Variants in ADAMTSL3 observed in about 807,000 individuals in gnomAD.
The protein encoded by ADAMTSL3 is ADAMTS-like protein 3.
Under a neutral mutation model 201.7 loss-of-function variants are expected in ADAMTSL3, and 128 were observed. The observed-to-expected ratio is 0.63, with a 90% CI of 0.55 to 0.73. ADAMTSL3 has a LOEUF of 0.73. ADAMTSL3 is among the 30% of genes least tolerant of loss of function. The pLI, the probability that ADAMTSL3 is intolerant of heterozygous loss-of-function variation, is 0.00. For synonymous variants in ADAMTSL3, 738 were observed against 748.4 expected (o/e 0.99, Z 0.23); for missense variants, 1,990 against 2,119.6 (o/e 0.94, Z 1.20).
intron 2 of ADAMTSL3, among the ~76,000 whole-genome samples, chr15:83,676,865 G>A (rs554365390): frequency 1.3e-5 from 2 of 152,346 alleles, no homozygotes; most frequent in African/African-American, 4.8e-5. Flanking sequence ...GAACCAGAGA[G>A]TAGGCCCTCA....
At chr15:84,017,456 T>C (rs2068108791) in intron 25 of ADAMTSL3, among the ~76,000 whole-genome samples, 1 of 152,218 alleles carries the variant, frequency 6.6e-6, no homozygotes. Context: ...GTACTCGTTA[T>C]ATAGGAACAA....
chr15:83,738,402 C>T (rs1238711311), intron 3 of ADAMTSL3, among the ~76,000 whole-genome samples: 1 of 152,122 alleles, frequency 6.6e-6, no homozygotes, highest in East Asian at 1.9e-4. Flanking sequence ...ATGTATGTCA[C>T]TTACACTTTT....
chr15:83,930,768 C>A (rs1055490429), intron 17 of ADAMTSL3, among the ~76,000 whole-genome samples: 7 of 152,096 alleles, frequency 4.6e-5, no homozygotes, highest in African/African-American at 7.2e-5. Flanking sequence ...CCAGCAGAGA[C>A]AAAGATTTGA....
intron 3 of ADAMTSL3, among the ~76,000 whole-genome samples, chr15:83,735,303 A>T (rs891843724): frequency 6.6e-6 from 1 of 152,190 alleles, no homozygotes; most frequent in Non-Finnish European, 1.5e-5. Context: ...GCCAACTGGG[A>T]GAGAGAAACA....
At position 84,021,423 on chromosome 15, in the gene ADAMTSL3, G is replaced by A. The variant is rs773827802; in HGVS notation, c.4287G>A (p.Glu1429=). ...GEPPPQEPFW[E]PGNWSHCSAT... ...TTCTTTCTGCAGAGCCTTTTTGGGAGCCTGGTAACTGGTCACATTGTTCTG... is the reference window on the plus strand; with the variant it reads ...TTCTTTCTGCAGAGCCTTTTTGGGAACCTGGTAACTGGTCACATTGTTCTG... The change falls in exon 26 of 30, where the codon GAG becomes GAA. Residue 1429 remains glutamate (E), a synonymous_variant. Coordinates refer to ENST00000286744, the MANE Select transcript of ADAMTSL3 (RefSeq NM_207517.3). 2 of 1,613,848 alleles carry A rather than the reference G, an allele frequency of 1.2e-6. No homozygotes were observed. The highest frequency in any genetic ancestry group is 4.5e-5 in the East Asian group (2 of 44,862).
At chr15:83,695,216 T>TG (rs1401014899) in intron 2 of ADAMTSL3, among the ~76,000 whole-genome samples, 1 of 106,758 alleles carries the variant, frequency 9.4e-6, no homozygotes, top group Admixed American at 8.5e-5. Context: ...GTGGTGTGTG[T>TG]GTGTGTGTGT....
At chr15:83,766,825 T>A (rs760558702) in intron 3 of ADAMTSL3, among the ~76,000 whole-genome samples, 33 of 152,242 alleles carry the variant, frequency 2.2e-4, no homozygotes, top group Non-Finnish European at 4.1e-4. Context: ...CTGGGCGTAG[T>A]GGTTCATGCC....
chr15:83,811,544 G>A (rs747669573), intron 5 of ADAMTSL3, among the ~76,000 whole-genome samples: 2 of 152,188 alleles, frequency 1.3e-5, no homozygotes, highest in Non-Finnish European at 2.9e-5. Context: ...TGCACATGAG[G>A]TGCAATGGTT....
At chr15:83,747,807 C>T (rs1370949013) in intron 3 of ADAMTSL3, among the ~76,000 whole-genome samples, 1 of 151,798 alleles carries the variant, frequency 6.6e-6, no homozygotes, top group Non-Finnish European at 1.5e-5. Context: ...ACAAAAGGAA[C>T]AGTTTTGCTT....
At chr15:83,959,318 A>G (rs1367407577) in intron 19 of ADAMTSL3, among the ~76,000 whole-genome samples, 1 of 152,148 alleles carries the variant, frequency 6.6e-6, no homozygotes, top group Non-Finnish European at 1.5e-5. Context: ...AATCTCAGTT[A>G]CTCGGGAGGC....
Position 83,698,032 on chromosome 15 carries a change from C to T in ADAMTSL3, c.70-6357C>T, listed in dbSNP as rs552210121. Among the ~76,000 whole-genome samples the T allele has an allele frequency of 6.6e-5, 10 of 152,090 alleles. No individual in the cohort carries two copies. In the South Asian group the frequency reaches 1.7e-3, roughly 25 times the overall value. The stretch of plus-strand genomic sequence containing the variant: ...CAGATGCCCCTGTCACTCAGGAAAT[C>T]ACAAAGCCTTAGGAGCTCTGTGTCA... On this transcript the variant is annotated intron_variant, in intron 2 of 29. Coordinates refer to ENST00000286744, the MANE Select transcript of ADAMTSL3 (RefSeq NM_207517.3).
intron 6 of ADAMTSL3, among the ~76,000 whole-genome samples, chr15:83,830,814 C>T (rs928314797): frequency 6.6e-6 from 1 of 152,104 alleles, no homozygotes; most frequent in Non-Finnish European, 1.5e-5. Context: ...TTGGGCTTGT[C>T]TTTAGAAAGA....
intron 3 of ADAMTSL3, among the ~76,000 whole-genome samples, chr15:83,723,104 G>A (rs2141580877): frequency 6.6e-6 from 1 of 152,066 alleles, no homozygotes; most frequent in East Asian, 1.9e-4. Flanking sequence ...CTTTTCAAAT[G>A]GACAAAAAAG....
At chr15:83,865,235 A>G (rs961316678) in intron 8 of ADAMTSL3, among the ~76,000 whole-genome samples, 1 of 152,094 alleles carries the variant, frequency 6.6e-6, no homozygotes, top group Non-Finnish European at 1.5e-5. Flanking sequence ...GCTACCAATG[A>G]CTTTCTTCAC....
rs1178756403 is a variant in ADAMTSL3, at chr15:83,804,644, CT to C, written c.318-3del. The stretch of plus-strand genomic sequence containing the variant: ...TTTCTTCTTTCTTCTTTCTTTTTTC[CT>C]TTAGGAATTGTGAAGGGCAGAACAT... On this transcript the variant is annotated splice_polypyrimidine_tract_variant and splice_region_variant and intron_variant, in intron 4 of 29. Transcript: ENST00000286744. 6 of 1,478,308 alleles carry C rather than the reference CT, an allele frequency of 4.1e-6. No homozygotes were observed. The African/African-American group carries it at 4.6e-5, about 11-fold the overall frequency. 91.6% of individuals were successfully genotyped at this position (1,478,308 alleles called of 1,614,324 possible).
chr15:83,768,547 G>A lies in ADAMTSL3; in HGVS notation c.190-4976G>A, dbSNP rs370882419. Among the ~76,000 whole-genome samples the A allele has an allele frequency of 2.6e-5, 4 of 152,276 alleles. No homozygotes were observed. The East Asian group carries it at 5.8e-4, about 22-fold the overall frequency. ...GCAAATTTCGATGTGCGCCAAGAGA[G>A]AGCATAGTTGCAAAGGATCTGGGAA... On this transcript the variant is annotated intron_variant, in intron 3 of 29. Transcript: ENST00000286744.
At chr15:83,775,359 G>A (rs1304967737) in intron 4 of ADAMTSL3, among the ~76,000 whole-genome samples, 1 of 150,858 alleles carries the variant, frequency 6.6e-6, no homozygotes, top group Admixed American at 6.6e-5. Context: ...TTTTTTTCTA[G>A]TACGTACTTG....
intron 3 of ADAMTSL3, among the ~76,000 whole-genome samples, chr15:83,742,403 T>G (rs2062471164): frequency 6.6e-6 from 1 of 151,966 alleles, no homozygotes. Context: ...ACTTCCAACT[T>G]ATGACAGTAG....
At chr15:83,868,812 G>A (rs2065027407) in intron 8 of ADAMTSL3, among the ~76,000 whole-genome samples, 1 of 152,138 alleles carries the variant, frequency 6.6e-6, no homozygotes, top group Non-Finnish European at 1.5e-5. Flanking sequence ...ATGTCACTGA[G>A]ACTCTTAGAC....
Sources: allele counts gnomAD v4.1 joint callset (sites outside exome capture counted in the v4.1 genomes callset), GRCh38; gene constraint gnomAD v4.1.1; transcripts MANE v1.5; gene names NCBI Gene and HGNC (gene_info 2026-07-23, HGNC 2026-07-21).